Variants in BRD3 observed in about 807,000 individuals in gnomAD.
BRD3 encodes bromodomain-containing protein 3.
In BRD3, 17 loss-of-function variants were observed where a neutral mutation model predicts 66.8. The observed-to-expected ratio is 0.25, with a 90% CI of 0.17 to 0.38. The LOEUF is 0.38. BRD3 is among the 10% of genes least tolerant of loss of function. BRD3 has a pLI of 1.00. For synonymous variants in BRD3, 421 were observed against 393.2 expected, an observed-to-expected ratio of 1.07 and a Z score of -0.84; for missense variants, 713 against 956.1, an observed-to-expected ratio of 0.75 and a Z score of 3.35.
Position 134,033,824 on chromosome 9 carries a change from G to C in BRD3, c.2066-119C>G. On this transcript the variant is annotated intron_variant, in intron 11 of 11. Coordinates refer to ENST00000303407, the MANE Select transcript of BRD3 (RefSeq NM_007371.4). The surrounding 1 kb of genome is among the most constrained non-coding windows in gnomAD (Gnocchi z 5.1). ...GGGTGCCACGACCCACCCACTTCCT[G>C]ACCCAGTCGTTTAATAAGTATTTAT... is the stretch of plus-strand genomic sequence containing the variant. 4 of 595,002 alleles carry C rather than the reference G, an allele frequency of 6.7e-6. No homozygotes were observed. Among genetic ancestry groups the C allele is most frequent in the Non-Finnish European group, 1.2e-5 (4 of 331,710 alleles). 36.9% of individuals were successfully genotyped at this position (595,002 alleles called of 1,614,324 possible). A position where few individuals can be genotyped will look rare whatever the true frequency, so the allele number is the denominator to read the frequency against.
intron 4 of BRD3, 42 bp from the exon 5 acceptor site, chr9:134,050,630 T>C (rs377577545): frequency 9.1e-6 from 14 of 1,534,480 alleles, no homozygotes; most frequent in African/African-American, 1.4e-5. Context: ...CAGGCTCCAC[T>C]AGTATTTCCA....
chr9:134,053,556 G>A lies in BRD3; in HGVS notation c.-79C>T, dbSNP rs201651754. The A allele has an allele frequency of 2.7e-5, 40 of 1,454,776 alleles. No homozygotes were observed. Among genetic ancestry groups the A allele is most frequent in the East Asian group, 5.0e-5 (2 of 40,326 alleles). 90.1% of individuals were successfully genotyped at this position (1,454,776 alleles called of 1,614,324 possible). A position where few individuals can be genotyped will look rare whatever the true frequency, so the allele number is the denominator to read the frequency against. On this transcript the variant is annotated 5_prime_UTR_variant, in exon 2 of 12. Transcript: ENST00000303407. Reference sequence around the variant, plus strand: ...CTGCTTCTACGCTCCCTGAGAAAGCGCGACGTCCCATTTCCGGGCCCAACC... The same window carrying A: ...CTGCTTCTACGCTCCCTGAGAAAGCACGACGTCCCATTTCCGGGCCCAACC...
chr9:134,060,401 T>C (rs1324205492), intron 1 of BRD3, among the ~76,000 whole-genome samples: 1 of 152,130 alleles, frequency 6.6e-6, no homozygotes, highest in Non-Finnish European at 1.5e-5. Flanking sequence ...GAGACCAGCC[T>C]GGGCAACATA....
At chr9:134,044,681 G>A (rs1830130586) in intron 7 of BRD3, among the ~76,000 whole-genome samples, 2 of 152,104 alleles carry the variant, frequency 1.3e-5, no homozygotes, top group South Asian at 2.1e-4. Flanking sequence ...GCACACGCAG[G>A]CAGGAGCACA....
chr9:134,059,259 G>T (rs1369682782), intron 1 of BRD3, among the ~76,000 whole-genome samples: 1 of 152,198 alleles, frequency 6.6e-6, no homozygotes, highest in Non-Finnish European at 1.5e-5. Context: ...TTCTCCCCGG[G>T]CCCCCAGCAC....
intron 1 of BRD3, among the ~76,000 whole-genome samples, chr9:134,067,674 G>A (rs1343859284): frequency 6.8e-6 from 1 of 146,366 alleles, no homozygotes; most frequent in Admixed American, 6.8e-5. Context: ...CGGGACGGAG[G>A]CGGCCAAGCG....
At chr9:134,055,026 T>C (rs1830386702) in intron 1 of BRD3, among the ~76,000 whole-genome samples, 1 of 151,870 alleles carries the variant, frequency 6.6e-6, no homozygotes, top group African/African-American at 2.4e-5. Context: ...CACCCTCTTC[T>C]ATGCCCTCCT....
At chr9:134,062,199 CA>C (rs1425687345) in intron 1 of BRD3, among the ~76,000 whole-genome samples, 1 of 152,172 alleles carries the variant, frequency 6.6e-6, no homozygotes, top group South Asian at 2.1e-4. Context: ...GCCTACTCCC[CA>C]GGGGAATCTG....
chr9:134,051,470 A>C, intron 4 of BRD3, 92 bp downstream of exon 4: 3 of 1,329,580 alleles, frequency 2.3e-6, no homozygotes, highest in Non-Finnish European at 2.9e-6. Context: ...GATGGGAAAC[A>C]GCTCAGATGG....
chr9:134,063,256 T>C (rs1079524), intron 1 of BRD3, among the ~76,000 whole-genome samples: 105,358 of 152,150 alleles, frequency 0.69, 37,146 homozygotes, highest in African/African-American at 0.8. Context: ...GAGCAAAGCG[T>C]GGGCATGCAG....
chr9:134,045,525 C>G lies in BRD3; in HGVS notation c.1087-104G>C. 6.5e-7 allele frequency: 1 copy of G among 1,536,744 alleles called. No homozygotes were observed. Among genetic ancestry groups the G allele is most frequent in the Non-Finnish European group, 8.9e-7 (1 of 1,125,224 alleles). Reference sequence around the variant, plus strand: ...CTGGAGCCTCAGGAGCCACTGCCAGCTCCAGGGCAGTGCCTACTGGCCTGG... The same window carrying G: ...CTGGAGCCTCAGGAGCCACTGCCAGGTCCAGGGCAGTGCCTACTGGCCTGG... On this transcript the variant is annotated intron_variant, in intron 6 of 11. Coordinates refer to ENST00000303407, the MANE Select transcript of BRD3 (RefSeq NM_007371.4). The surrounding 1 kb of genome is among the most constrained non-coding windows in gnomAD (Gnocchi z 4.8).
chr9:134,068,295 T>G, upstream of BRD3: 2 of 144,986 alleles, frequency 1.4e-5, no homozygotes, highest in Non-Finnish European at 1.5e-5. Context: ...CCGTGGGCCG[T>G]TCCCCGCCCG....
intron 1 of BRD3, among the ~76,000 whole-genome samples, chr9:134,055,526 C>T (rs1210763557): frequency 2.0e-5 from 3 of 152,204 alleles, no homozygotes; most frequent in African/African-American, 4.8e-5. Flanking sequence ...CTGGTCCTTC[C>T]ACTTCCCCAC....
intron 1 of BRD3, among the ~76,000 whole-genome samples, chr9:134,059,908 A>G (rs2132449715): frequency 6.6e-6 from 1 of 152,290 alleles, no homozygotes; most frequent in East Asian, 1.9e-4. Flanking sequence ...CCCTGGGACC[A>G]TGGCAGGGAA....
Position 134,033,687 on chromosome 9 carries a change from G to T in BRD3, c.2084C>A (p.Pro695His), listed in dbSNP as rs1001099094. Residue 695 changes from proline to histidine, a missense_variant, in exon 12 of 12, where the codon CCC becomes CAC. By Grantham distance (77) the Pro-to-His change is moderately conservative. Around this residue, in one of 5 missense-constraint regions of BRD3, gnomAD observed 42 missense variants for 29.2 expected, o/e 1.44. Coordinates refer to ENST00000303407, the MANE Select transcript of BRD3 (RefSeq NM_007371.4). The surrounding 1 kb of genome is among the most constrained non-coding windows in gnomAD (Gnocchi z 5.1). ...PARKEKPGSA[P>H]SGGPSRLSSS... Reference sequence around the variant, plus strand: ...GCTGAGCCTGGACGGGCCCCCTGAGGGTGCTGAGCCGGGCTTCTCTGTGGA... The same window carrying T: ...GCTGAGCCTGGACGGGCCCCCTGAGTGTGCTGAGCCGGGCTTCTCTGTGGA... 2 of 755,094 alleles carry T rather than the reference G, an allele frequency of 2.6e-6. No individual in the cohort carries two copies. Among genetic ancestry groups the T allele is most frequent in the South Asian group, 1.4e-5 (1 of 71,854 alleles). 46.8% of individuals were successfully genotyped at this position (755,094 alleles called of 1,614,324 possible).
At chr9:134,066,621 C>T (rs1830662734) in intron 1 of BRD3, among the ~76,000 whole-genome samples, 1 of 152,006 alleles carries the variant, frequency 6.6e-6, no homozygotes, top group Non-Finnish European at 1.5e-5. Context: ...TACAAAAGAG[C>T]AGGGTAAAAA....
At chr9:134,066,934 C>A (rs111764472) in intron 1 of BRD3, among the ~76,000 whole-genome samples, 2,078 of 152,306 alleles carry the variant, frequency 0.014, 57 homozygotes, top group African/African-American at 0.047. Flanking sequence ...TCTCGGCGGG[C>A]CGAGTTCTCG....
intron 1 of BRD3, chr9:134,054,485 C>G (rs1433596963): frequency 6.6e-6 from 1 of 152,374 alleles, no homozygotes; most frequent in East Asian, 1.9e-4. Context: ...CCGTGTCTAC[C>G]TGTAAAGGTG....
intron 3 of BRD3, 131 bp from the exon 4 acceptor site, chr9:134,051,840 T>A: frequency 1.2e-6 from 1 of 816,710 alleles, no homozygotes; most frequent in Non-Finnish European, 1.8e-6. Context: ...GAGAACAAAA[T>A]GAATATATGT....
Sources: gnomAD v4.1 joint callset for allele counts (sites outside exome capture counted in the v4.1 genomes callset) on GRCh38, gnomAD v4.1.1 for gene constraint, gnomAD v4.1.1 regional missense constraint, Gnocchi (gnomAD v3.1) non-coding constraint, MANE v1.5 for transcripts, NCBI Gene and HGNC (gene_info 2026-07-23, HGNC 2026-07-21) for gene names.